Variants in RBM48 observed in about 807,000 individuals in gnomAD.
RBM48 encodes RNA-binding protein 48.
Under a neutral mutation model 34.8 loss-of-function variants are expected in RBM48, and 32 were observed. The observed-to-expected ratio is 0.92, with a 90% CI of 0.69 to 1.23. RBM48 has a LOEUF of 1.23. Among genes scored for constraint, RBM48 ranks in the 50% most tolerant of loss-of-function variants. The probability of loss-of-function intolerance (pLI) is 0.00; values close to 1 mark genes in which losing one functional copy is unlikely to be tolerated. For missense variants in RBM48, 441 were observed against 447.2 expected, an observed-to-expected ratio of 0.99 and a Z score of 0.12; for synonymous variants, 151 against 156.2, an observed-to-expected ratio of 0.97 and a Z score of 0.25.
rs1008067224 is a variant in RBM48, at chr7:92,538,277, G to A, written c.*1340G>A. Among the ~76,000 whole-genome samples the A allele has an allele frequency of 2.0e-5, 3 of 152,198 alleles. No homozygotes were observed. Among genetic ancestry groups the A allele is most frequent in the Non-Finnish European group, 2.9e-5 (2 of 68,034 alleles). On this transcript the variant is annotated 3_prime_UTR_variant, in exon 5 of 5. Transcript: ENST00000265732. ...GGCTTACAACTGTAAGAGGGTCTGC[G>A]TGAAAGGGTTGTGATAGACGGAGCA...
In RBM48 at chr7:92,536,850, G is replaced by A; in HGVS notation, c.1018-1G>A. 4 of 1,571,434 alleles carry A rather than the reference G, an allele frequency of 2.5e-6. No individual in the cohort carries two copies. Among genetic ancestry groups the A allele is most frequent in the African/African-American group, 1.4e-5 (1 of 71,884 alleles). On this transcript the variant is annotated splice_acceptor_variant, in intron 4 of 4. Coordinates refer to ENST00000265732, the MANE Select transcript of RBM48 (RefSeq NM_032120.4). LOFTEE classifies it high-confidence loss of function. Reference sequence around the variant, plus strand: ...AATGGTTCTTTTTTTTTTTTAATTAGGTAATTTCATCTGTGCCAAAGCCTC... The same window carrying A: ...AATGGTTCTTTTTTTTTTTTAATTAAGTAATTTCATCTGTGCCAAAGCCTC...
At chr7:92,532,278 C>CA in intron 2 of RBM48, 126 bp from the exon 3 acceptor site, 1 of 746,906 alleles carries the variant, frequency 1.3e-6, no homozygotes, top group Non-Finnish European at 2.3e-6. Context: ...TCCCAATCCA[C>CA]AGGATATATA....
At position 92,532,446 on chromosome 7, in the gene RBM48, A is replaced by G; in HGVS notation, c.345A>G (p.Gly115=). The G allele has an allele frequency of 6.2e-7, 1 of 1,612,176 alleles. No homozygotes were observed. The highest frequency in any genetic ancestry group is 8.5e-7 in the Non-Finnish European group (1 of 1,178,598). ...RKMDEQSFFG[G]LLHVCYAPEF... ...TGGATGAACAGAGTTTCTTCGGTGG[A>G]TTGCTTCATGTGTGCTATGCTCCAG... The change falls in exon 3 of 5, where the codon GGA becomes GGG. Residue 115 remains glycine (G), a synonymous_variant. Transcript: ENST00000265732.
chr7:92,535,908 G>T (rs544779753), intron 4 of RBM48: 1 of 726,352 alleles, frequency 1.4e-6, no homozygotes, highest in East Asian at 1.3e-4. Flanking sequence ...GCTGAGGTGA[G>T]CAGATTGCTT....
rs192850698 is a variant in RBM48, at chr7:92,539,394, T to G, written c.*2457T>G. 6.6e-5 allele frequency among the ~76,000 whole-genome samples: 10 copies of G among 152,342 alleles called. 1 individual carries two copies. The East Asian group carries it at 1.7e-3, about 26-fold the overall frequency. On this transcript the variant is annotated 3_prime_UTR_variant, in exon 5 of 5. Transcript: ENST00000265732. ...ATAGCTTAATAACATGCAAGCTAAT[T>G]TACAAAATTTCCATATAGGTTATTA...
In RBM48 at chr7:92,540,242, T is replaced by C. The variant is rs1359257367; in HGVS notation, c.*3305T>C. 1 of 152,220 alleles carries C rather than the reference T, an allele frequency of 6.6e-6. No individual in the cohort carries two copies. The highest frequency in any genetic ancestry group is 1.5e-5 in the Non-Finnish European group (1 of 68,030). The allele number at this position is 152,220 out of a possible 1,614,324, so 9.4% of individuals were successfully genotyped here. A position where few individuals can be genotyped will look rare whatever the true frequency, so the allele number is the denominator to read the frequency against. ...CTTTAAAATTTTTCCTGAATCTATATGGGCTATTGGCACTAGTAACTATAC... is the reference window on the plus strand; with the variant it reads ...CTTTAAAATTTTTCCTGAATCTATACGGGCTATTGGCACTAGTAACTATAC... On this transcript the variant is annotated 3_prime_UTR_variant, in exon 5 of 5. Transcript: ENST00000265732.
At position 92,529,639 on chromosome 7, in the gene RBM48, TTAAA is replaced by T; in HGVS notation, c.277_280del (p.Lys93LeufsTer2). ...GAAGACTTTACTGAAGTTTATCTTA[TTAAA>T]TTTATGAACTTACAAAGTGCAAGGT... is the stretch of plus-strand genomic sequence containing the variant. On this transcript the variant is annotated frameshift_variant, in exon 2 of 5. Coordinates refer to ENST00000265732, the MANE Select transcript of RBM48 (RefSeq NM_032120.4). LOFTEE classifies it high-confidence loss of function. 4 of 1,599,514 alleles carry T rather than the reference TTAAA, an allele frequency of 2.5e-6. No homozygotes were observed. The highest frequency in any genetic ancestry group is 3.4e-6 in the Non-Finnish European group (4 of 1,171,932).
At position 92,534,854 on chromosome 7, in the gene RBM48, A is replaced by G. The variant is rs1793670471; in HGVS notation, c.901A>G (p.Asn301Asp). ...TAAACTTGGAACTTTTCTTCAAACA[A>G]ACCCAACTGGTAATGAGATTATGAT... ...DRKLGTFLQT[N>D]PTGNEIMIGP... is the part of the protein sequence containing the mutation. The change falls in exon 4 of 5, where the codon AAC (asparagine) becomes GAC (aspartate). Residue 301 changes from asparagine to aspartate, a missense_variant. Asn to Asp is a conservative substitution (Grantham distance 23). Coordinates refer to ENST00000265732, the MANE Select transcript of RBM48 (RefSeq NM_032120.4). 6.2e-7 allele frequency: 1 copy of G among 1,614,214 alleles called. No individual in the cohort carries two copies. Among genetic ancestry groups the G allele is most frequent in the East Asian group, 2.2e-5 (1 of 44,890 alleles).
chr7:92,528,867 G>A lies in RBM48; in HGVS notation c.54G>A (p.Arg18=), dbSNP rs763059818. 6.2e-7 allele frequency: 1 copy of A among 1,614,152 alleles called. No individual in the cohort carries two copies. Among genetic ancestry groups the A allele is most frequent in the South Asian group, 1.1e-5 (1 of 91,072 alleles). ...LGSLFDHHVQ[R]AVCDTRAKYR... ...GTTTATTTGATCACCACGTCCAGAGGGCGGTATGCGACACACGGGCCAAAT... is the reference window on the plus strand; with the variant it reads ...GTTTATTTGATCACCACGTCCAGAGAGCGGTATGCGACACACGGGCCAAAT... Residue 18 remains arginine (R), a synonymous_variant, in exon 1 of 5, where the codon AGG becomes AGA. Transcript: ENST00000265732.
chr7:92,537,117 C>G lies in RBM48; in HGVS notation c.*180C>G, dbSNP rs1458569185. The stretch of plus-strand genomic sequence containing the variant: ...GTTTTTTGGGAGATGGAGTCTTGCT[C>G]TGTTGCCCAGGCTGGAATGCAGTGG... On this transcript the variant is annotated 3_prime_UTR_variant, in exon 5 of 5. Coordinates refer to ENST00000265732, the MANE Select transcript of RBM48 (RefSeq NM_032120.4). 3 of 465,726 alleles carry G rather than the reference C, an allele frequency of 6.4e-6. No homozygotes were observed. The highest frequency in any genetic ancestry group is 4.0e-5 in the Admixed American group (1 of 24,740). The allele number at this position is 465,726 out of a possible 1,614,324, so 28.8% of individuals were successfully genotyped here.
In RBM48 at chr7:92,537,455, A is replaced by G. The variant is rs1793749328; in HGVS notation, c.*518A>G. ...TCTCTCATGTACAGTAATTATATGTAAATTAATTGAAGCAAATATGGAAAC... is the reference window on the plus strand; with the variant it reads ...TCTCTCATGTACAGTAATTATATGTGAATTAATTGAAGCAAATATGGAAAC... On this transcript the variant is annotated 3_prime_UTR_variant, in exon 5 of 5. Coordinates refer to ENST00000265732, the MANE Select transcript of RBM48 (RefSeq NM_032120.4). 6.6e-6 allele frequency: 1 copy of G among 152,172 alleles called. No individual in the cohort carries two copies. Among genetic ancestry groups the G allele is most frequent in the South Asian group, 2.1e-4 (1 of 4,824 alleles). 9.4% of individuals were successfully genotyped at this position (152,172 alleles called of 1,614,324 possible).
At chr7:92,534,996 C>G in intron 4 of RBM48, 26 bp downstream of exon 4, 1 of 1,611,256 alleles carries the variant, frequency 6.2e-7, no homozygotes. Context: ...AAAAACTATT[C>G]TAAGACACGA....
intron 4 of RBM48, chr7:92,536,081 G>A: frequency 1.2e-6 from 1 of 802,416 alleles, no homozygotes; most frequent in Non-Finnish European, 1.5e-6. Context: ...AGTGAGCCAA[G>A]ATCATGCCAC....
chr7:92,531,207 A>C (rs1793567044), intron 2 of RBM48, among the ~76,000 whole-genome samples: 1 of 152,308 alleles, frequency 6.6e-6, no homozygotes, highest in East Asian at 1.9e-4. Context: ...TGGTAAAGGG[A>C]CCTATCTACT....
chr7:92,529,318 A>C, intron 1 of RBM48, 158 bp from the exon 2 acceptor site: 1 of 589,028 alleles, frequency 1.7e-6, no homozygotes, highest in South Asian at 2.2e-5. Flanking sequence ...GTTATTCTTT[A>C]TGCAGAAGGA....
At position 92,534,807 on chromosome 7, in the gene RBM48, AAAG is replaced by A. The variant is rs761927548; in HGVS notation, c.862_864del (p.Arg288del). The A allele has an allele frequency of 2.2e-5, 35 of 1,614,092 alleles. No individual in the cohort carries two copies. The highest frequency in any genetic ancestry group is 2.7e-5 in the African/African-American group (2 of 74,946). ...AGGACAACACAACTGCAGGAGCGCA[AAAG>A]AAGAAGAGAAGATGATCGTAAACTT... is the stretch of plus-strand genomic sequence containing the variant. On this transcript the variant is annotated inframe_deletion, in exon 4 of 5. Transcript: ENST00000265732.
At chr7:92,529,092 C>A in intron 1 of RBM48, 168 bp downstream of exon 1, 3 of 655,142 alleles carry the variant, frequency 4.6e-6, no homozygotes, top group Non-Finnish European at 8.2e-6. Flanking sequence ...TCTCACGACG[C>A]CTTTGGTCAA....
intron 3 of RBM48, among the ~76,000 whole-genome samples, chr7:92,533,274 T>G (rs1793620519): frequency 6.6e-6 from 1 of 152,186 alleles, no homozygotes; most frequent in Non-Finnish European, 1.5e-5. Flanking sequence ...CCAGGAAAAC[T>G]TGTATGTTTG....
In RBM48 at chr7:92,539,155, C is replaced by T. The variant is rs1793799338; in HGVS notation, c.*2218C>T. 6.6e-6 allele frequency among the ~76,000 whole-genome samples: 1 copy of T among 152,194 alleles called. No individual in the cohort carries two copies. Among genetic ancestry groups the T allele is most frequent in the African/African-American group, 2.4e-5 (1 of 41,448 alleles). On this transcript the variant is annotated 3_prime_UTR_variant, in exon 5 of 5. Coordinates refer to ENST00000265732, the MANE Select transcript of RBM48 (RefSeq NM_032120.4). ...CTGGGCTACAGATGAACTCTGGAAG[C>T]AGCTGAAGAACGGTTGGCTGTTCCA...
Sources: gnomAD v4.1 joint callset for allele counts (sites outside exome capture counted in the v4.1 genomes callset) on GRCh38, gnomAD v4.1.1 for gene constraint, MANE v1.5 for transcripts, NCBI Gene and HGNC (gene_info 2026-07-23, HGNC 2026-07-21) for gene names.